The following CPA3 variants were observed in gnomAD, a reference collection of about 807,000 sequenced individuals.
The protein encoded by CPA3 is carboxypeptidase A3.
CPA3 carries 52 observed loss-of-function variants against 55.8 expected under a neutral mutation model. That is an observed-to-expected ratio of 0.93 (90% CI 0.75 to 1.17). CPA3 has a LOEUF of 1.17. Ranked by LOEUF, CPA3 falls within the 50% of genes most tolerant of loss-of-function variation. The pLI is 0.00. For synonymous variants in CPA3, 179 were observed against 171.2 expected, an observed-to-expected ratio of 1.05 and a Z score of -0.36; for missense variants, 547 against 509.1, an observed-to-expected ratio of 1.07 and a Z score of -0.72.
At chr3:148,867,469 A>G (rs915469182) in intron 2 of CPA3, among the ~76,000 whole-genome samples, 2 of 152,176 alleles carry the variant, frequency 1.3e-5, no homozygotes, top group African/African-American at 4.8e-5. Context: ...AGTCTCTACA[A>G]CTGTGGCACC....
chr3:148,889,885 A>AG (rs1714622958), intron 10 of CPA3, among the ~76,000 whole-genome samples: 1 of 151,422 alleles, frequency 6.6e-6, no homozygotes, highest in African/African-American at 2.4e-5. Context: ...AAAAAAAAAA[A>AG]AAGAATCATC....
intron 3 of CPA3, among the ~76,000 whole-genome samples, chr3:148,871,285 A>G (rs1714059928): frequency 6.6e-6 from 1 of 152,178 alleles, no homozygotes; most frequent in Non-Finnish European, 1.5e-5. Flanking sequence ...ATGATAAACT[A>G]ATTCTTACAA....
chr3:148,873,025 T>TACACACACACAC (rs10536988), intron 3 of CPA3, among the ~76,000 whole-genome samples: 2 of 103,752 alleles, frequency 1.9e-5, no homozygotes, highest in African/African-American at 5.8e-5. Flanking sequence ...CTTCTATGAA[T>TACACACACACAC]ACACACACAC....
In CPA3 at chr3:148,896,521, C is replaced by T. The variant is rs559066208; in HGVS notation, c.1068C>T (p.Tyr356=). 1.3e-6 allele frequency: 2 copies of T among 1,511,950 alleles called. No homozygotes were observed. The highest frequency in any genetic ancestry group is 1.8e-5 in the Admixed American group (1 of 56,908). 93.7% of individuals were successfully genotyped at this position (1,511,950 alleles called of 1,614,324 possible). ...ATATTTACTGCTTGTGTTTTACAGA[C>T]CCGATATCAGGTTCTTCTTTAGACT... is the stretch of plus-strand genomic sequence containing the variant. The part of the protein sequence containing the change: ...YIYGPIESTI[Y]PISGSSLDWA... The change falls in exon 11 of 11, where the codon TAC becomes TAT. Residue 356 remains tyrosine (Y), a splice_region_variant and synonymous_variant. Coordinates refer to ENST00000296046, the MANE Select transcript of CPA3 (RefSeq NM_001870.4).
At position 148,883,720 on chromosome 3, in the gene CPA3, GA is replaced by G. The variant is rs1559969566; in HGVS notation, c.889del (p.Ile297SerfsTer55). 6.2e-7 allele frequency: 1 copy of G among 1,613,996 alleles called. No individual in the cohort carries two copies. The highest frequency in any genetic ancestry group is 8.5e-7 in the Non-Finnish European group (1 of 1,179,922). ...TAATTTCATTAGAAGCCACCTGAAT[GA>G]AATCAAGGTTTACATCACCTTCCAT... ...VTNFIRSHLN[E>X]IKVYITFHSY... On this transcript the variant is annotated frameshift_variant, in exon 9 of 11. Transcript: ENST00000296046. LOFTEE classifies it high-confidence loss of function.
At chr3:148,875,715 G>A (rs1457506463) in intron 3 of CPA3, among the ~76,000 whole-genome samples, 3 of 152,106 alleles carry the variant, frequency 2.0e-5, no homozygotes, top group Admixed American at 2.0e-4. Flanking sequence ...AAGATTTTTT[G>A]TGAGGGTATT....
At chr3:148,892,873 T>C (rs1414275611) in intron 10 of CPA3, among the ~76,000 whole-genome samples, 1 of 55,078 alleles carries the variant, frequency 1.8e-5, no homozygotes, top group East Asian at 6.9e-4. Context: ...GAGAAGCACT[T>C]GGACCTGGGA....
rs201861905 is a variant in CPA3, at chr3:148,883,601, T to C, written c.779-12T>C. ...AGCAGACTGTGGTCTCATCCACCTA[T>C]GTCTTCTGCAGCCATTCCTAACACC... On this transcript the variant is annotated splice_polypyrimidine_tract_variant and intron_variant, in intron 8 of 10. Coordinates refer to ENST00000296046, the MANE Select transcript of CPA3 (RefSeq NM_001870.4). 265 of 1,611,820 alleles carry C rather than the reference T, an allele frequency of 1.6e-4. No homozygotes were observed. The highest frequency in any genetic ancestry group is 6.8e-4 in the Admixed American group (41 of 60,004).
chr3:148,886,672 G>A (rs1714539620), intron 10 of CPA3, among the ~76,000 whole-genome samples: 1 of 152,236 alleles, frequency 6.6e-6, no homozygotes, highest in Non-Finnish European at 1.5e-5. Context: ...TCCAGCCTGG[G>A]CAACAGAGCA....
rs79975401 is a variant in CPA3, at chr3:148,865,584, T to C, written c.144+36T>C. On this transcript the variant is annotated intron_variant, in intron 2 of 10. Coordinates refer to ENST00000296046, the MANE Select transcript of CPA3 (RefSeq NM_001870.4). ...AGAGGGATATTTTATCTTTTCTTAC[T>C]GTTCTCTAAAAGATGCTTCTTCTTA... 1,647 of 1,562,184 alleles carry C rather than the reference T, an allele frequency of 1.1e-3. 17 individuals carry two copies. In the African/African-American group the frequency reaches 0.02, roughly 19 times the overall value.
intron 3 of CPA3, among the ~76,000 whole-genome samples, chr3:148,873,501 A>C (rs946780748): frequency 1.3e-5 from 2 of 152,254 alleles, no homozygotes; most frequent in Non-Finnish European, 2.9e-5. Flanking sequence ...CTGTCAAAGT[A>C]GAATTTATCT....
intron 2 of CPA3, 151 bp downstream of exon 2, chr3:148,865,699 A>G (rs1713883604): frequency 1.4e-6 from 1 of 721,552 alleles, no homozygotes; most frequent in African/African-American, 1.8e-5. Context: ...AATGGCCAAT[A>G]CTTCACCTGT....
chr3:148,868,950 A>G lies in CPA3; in HGVS notation c.180A>G (p.Val60=). ...DFWYPGATHH[V]AANMMVDFRV... ...GGTATCCAGGTGCCACCCACCACGT[A>G]GCTGCTAATATGATGGTGGATTTCC... is the stretch of plus-strand genomic sequence containing the variant. The change falls in exon 3 of 11, where the codon GTA becomes GTG. Residue 60 remains valine (V), a synonymous_variant. Transcript: ENST00000296046. The G allele has an allele frequency of 6.2e-7, 1 of 1,614,090 alleles. No individual in the cohort carries two copies. Among genetic ancestry groups the G allele is most frequent in the Non-Finnish European group, 8.5e-7 (1 of 1,179,968 alleles).
intron 10 of CPA3, among the ~76,000 whole-genome samples, chr3:148,887,599 A>G (rs919001749): frequency 1.3e-5 from 2 of 152,184 alleles, no homozygotes; most frequent in African/African-American, 4.8e-5. Flanking sequence ...TTTGAGTATC[A>G]CCGAAGACAA....
chr3:148,872,113 T>C (rs1714083007), intron 3 of CPA3, among the ~76,000 whole-genome samples: 1 of 152,248 alleles, frequency 6.6e-6, no homozygotes, highest in Non-Finnish European at 1.5e-5. Flanking sequence ...AAAATTAAGT[T>C]AGTAAGCCAG....
At chr3:148,889,528 A>G (rs74727192) in intron 10 of CPA3, among the ~76,000 whole-genome samples, 8,442 of 152,220 alleles carry the variant, frequency 0.055, 395 homozygotes, top group African/African-American at 0.12. Context: ...AGGGAGAAAC[A>G]TAGGCAATGA....
In CPA3 at chr3:148,883,796, C is replaced by A. The variant is rs1463718891; in HGVS notation, c.962C>A (p.Pro321Gln). ...LFPYGYTSKL[P>Q]PNHEDLAKVA... is the part of the protein sequence containing the mutation. Reference sequence around the variant, plus strand: ...CCCTATGGATATACATCAAAACTGCCACCTAACCATGAGGACTTGGTACGT... The same window carrying A: ...CCCTATGGATATACATCAAAACTGCAACCTAACCATGAGGACTTGGTACGT... The change falls in exon 9 of 11, where the codon CCA (proline) becomes CAA (glutamine). Residue 321 changes from proline to glutamine, a missense_variant. Transcript: ENST00000296046. 6.2e-7 allele frequency: 1 copy of A among 1,613,778 alleles called. No homozygotes were observed. Among genetic ancestry groups the A allele is most frequent in the South Asian group, 1.1e-5 (1 of 91,074 alleles).
At chr3:148,887,412 T>C (rs1714562557) in intron 10 of CPA3, among the ~76,000 whole-genome samples, 1 of 152,160 alleles carries the variant, frequency 6.6e-6, no homozygotes, top group African/African-American at 2.4e-5. Context: ...ACAACAACCC[T>C]ATGAGGTGGG....
At position 148,865,454 on chromosome 3, in the gene CPA3, T is replaced by A; in HGVS notation, c.69-19T>A. 6.2e-7 allele frequency: 1 copy of A among 1,613,768 alleles called. No individual in the cohort carries two copies. The highest frequency in any genetic ancestry group is 8.5e-7 in the Non-Finnish European group (1 of 1,179,870). On this transcript the variant is annotated intron_variant, in intron 1 of 10. Coordinates refer to ENST00000296046, the MANE Select transcript of CPA3 (RefSeq NM_001870.4). ...TTTCCTTACAGTTCACTTTTTTTTT[T>A]TCATTTGCCTCCACAAAGGGAGAAG... is the stretch of plus-strand genomic sequence containing the variant.
Sources: gnomAD v4.1 joint callset for allele counts (sites outside exome capture counted in the v4.1 genomes callset) on GRCh38, gnomAD v4.1.1 for gene constraint, MANE v1.5 for transcripts, NCBI Gene and HGNC (gene_info 2026-07-23, HGNC 2026-07-21) for gene names.